OGDH: variants seen among roughly 807,000 people sequenced by gnomAD.
OGDH encodes the protein 2-oxoglutarate dehydrogenase complex component E1.
Under a neutral mutation model 116.6 loss-of-function variants are expected in OGDH, and 38 were observed. That is an observed-to-expected ratio of 0.33 (90% CI 0.25 to 0.43). OGDH has a LOEUF of 0.43. Among genes scored for constraint, OGDH ranks in the 20% least tolerant of loss-of-function variants. The pLI is 1.00. For synonymous variants in OGDH, 488 were observed against 533.3 expected, an observed-to-expected ratio of 0.92 and a Z score of 1.17; for missense variants, 825 against 1,357.2, an observed-to-expected ratio of 0.61 and a Z score of 6.16.
chr7:44,641,243 G>A (rs1207199664), intron 2 of OGDH, among the ~76,000 whole-genome samples: 1 of 37,514 alleles, frequency 2.7e-5, no homozygotes, highest in African/African-American at 9.0e-5. Flanking sequence ...TTTTTTTTTT[G>A]GAAACAGGGT....
intron 10 of OGDH, among the ~76,000 whole-genome samples, chr7:44,689,080 G>A (rs1585372097): frequency 6.6e-6 from 1 of 151,974 alleles, no homozygotes; most frequent in South Asian, 2.1e-4. Flanking sequence ...TTCCTTTTCG[G>A]GTATATACGT....
At chr7:44,608,882 A>T (rs1333558388) in intron 1 of OGDH, among the ~76,000 whole-genome samples, 2 of 152,238 alleles carry the variant, frequency 1.3e-5, no homozygotes, top group Non-Finnish European at 2.9e-5. Context: ...AATAAATAGT[A>T]CAGAGAGATC....
intron 4 of OGDH, among the ~76,000 whole-genome samples, chr7:44,654,454 C>A (rs80013941): frequency 1.3e-5 from 2 of 152,106 alleles, no homozygotes; most frequent in African/African-American, 4.8e-5. Context: ...CAGGGCTCTC[C>A]GGTTTGTTCC....
chr7:44,674,836 C>A, intron 7 of OGDH: 1 of 537,632 alleles, frequency 1.9e-6, no homozygotes, highest in Non-Finnish European at 3.3e-6. Context: ...CCCAAGTTCC[C>A]TTGTTGGGGT....
chr7:44,628,110 C>T (rs1443854626), intron 2 of OGDH, among the ~76,000 whole-genome samples: 1 of 152,208 alleles, frequency 6.6e-6, no homozygotes, highest in Non-Finnish European at 1.5e-5. Context: ...CTATTCCCTA[C>T]CCCAGTGACT....
intron 18 of OGDH, 133 bp downstream of exon 18, chr7:44,698,396 A>C: frequency 4.2e-5 from 37 of 870,986 alleles, no homozygotes; most frequent in Non-Finnish European, 6.2e-5. Flanking sequence ...TGGGGAGCTC[A>C]CGTGAGTGGA....
rs192525976 is a variant in OGDH at position 44,668,457 on chromosome 7, G to A, written c.633+1606G>A. Among the ~76,000 whole-genome samples the A allele has an allele frequency of 8.6e-5, 13 of 151,944 alleles. No homozygotes were observed. The East Asian group carries it at 2.3e-3, about 27-fold the overall frequency. On this transcript the variant is annotated intron_variant, in intron 5 of 22. Coordinates refer to ENST00000222673, the MANE Select transcript of OGDH (RefSeq NM_002541.4). The stretch of plus-strand genomic sequence containing the variant: ...TCTCAAAAACAAACAAAAAAAAACT[G>A]AGTGTCCAGTGCTGGCATTTTCTGT...
chr7:44,607,998 G>A lies in OGDH; in HGVS notation c.-28+1345G>A, dbSNP rs552673602. ...TTACAGGCGTGAGCCACTGCGCCCG[G>A]CCCCTCATTATTTTTTTTAAGCGCA... On this transcript the variant is annotated intron_variant, in intron 1 of 22. Coordinates refer to ENST00000222673, the MANE Select transcript of OGDH (RefSeq NM_002541.4). Among the ~76,000 whole-genome samples the A allele has an allele frequency of 2.6e-5, 4 of 152,082 alleles. No homozygotes were observed. In the East Asian group the frequency reaches 7.7e-4, roughly 29 times the overall value.
intron 4 of OGDH, among the ~76,000 whole-genome samples, chr7:44,648,308 G>A (rs1295704112): frequency 2.0e-5 from 3 of 152,216 alleles, no homozygotes; most frequent in African/African-American, 7.2e-5. Context: ...CACAGCGTCA[G>A]GAGGTCAGGG....
intron 4 of OGDH, among the ~76,000 whole-genome samples, chr7:44,653,429 T>A (rs1347640602): frequency 6.6e-6 from 1 of 151,974 alleles, no homozygotes; most frequent in African/African-American, 2.4e-5. Context: ...CGAATTAGTT[T>A]CCCACTTAAA....
chr7:44,696,248 C>A, intron 13 of OGDH, 121 bp downstream of exon 13: 1 of 1,025,422 alleles, frequency 9.8e-7, no homozygotes, highest in South Asian at 1.5e-5. Flanking sequence ...TTGTATGCAC[C>A]ATTTCAGCAA....
In OGDH at chr7:44,708,123, CT is replaced by C; in HGVS notation, c.*125del. On this transcript the variant is annotated 3_prime_UTR_variant, in exon 23 of 23. Transcript: ENST00000222673. ...CGCCCTCCTCGCTGTGCCACCACCCCTCCCTCTGCTCTCATAGGAGTTAGGC... is the reference window on the plus strand; with the variant it reads ...CGCCCTCCTCGCTGTGCCACCACCCCCCCTCTGCTCTCATAGGAGTTAGGC... 1 of 1,310,126 alleles carries C rather than the reference CT, an allele frequency of 7.6e-7. No individual in the cohort carries two copies. Among genetic ancestry groups the C allele is most frequent in the South Asian group, 1.4e-5 (1 of 71,740 alleles). 81.2% of individuals were successfully genotyped at this position (1,310,126 alleles called of 1,614,324 possible).
chr7:44,654,915 GC>G (rs1465670654), intron 4 of OGDH, among the ~76,000 whole-genome samples: 2 of 152,184 alleles, frequency 1.3e-5, no homozygotes, highest in Non-Finnish European at 2.9e-5. Context: ...ATGCTTCAAA[GC>G]ACTCAGGTGT....
chr7:44,675,271 G>A lies in OGDH; in HGVS notation c.1026+3G>A, dbSNP rs763367345. ...CAAAGCTGGAGGCAGCTGATGAGGTGAGGCACCTGCATAGAGACACATCCA... is the reference window on the plus strand; with the variant it reads ...CAAAGCTGGAGGCAGCTGATGAGGTAAGGCACCTGCATAGAGACACATCCA... On this transcript the variant is annotated splice_donor_region_variant and intron_variant, in intron 8 of 22. Transcript: ENST00000222673. 7.4e-6 allele frequency: 12 copies of A among 1,612,760 alleles called. No individual in the cohort carries two copies. In the South Asian group the frequency reaches 1.1e-4, roughly 15 times the overall value.
intron 20 of OGDH, among the ~76,000 whole-genome samples, chr7:44,703,003 T>C (rs980980461): frequency 6.6e-6 from 1 of 152,218 alleles, no homozygotes; most frequent in African/African-American, 2.4e-5. Context: ...TTGACTACTC[T>C]ATGGAACTCA....
chr7:44,613,498 T>C (rs1206654341), intron 1 of OGDH, among the ~76,000 whole-genome samples: 3 of 152,054 alleles, frequency 2.0e-5, no homozygotes, highest in Non-Finnish European at 4.4e-5. Flanking sequence ...TAGCTGGGAC[T>C]ATAGGCGCCC....
At chr7:44,665,151 G>T (rs1188559077) in intron 4 of OGDH, among the ~76,000 whole-genome samples, 2 of 152,134 alleles carry the variant, frequency 1.3e-5, no homozygotes, top group African/African-American at 4.8e-5. Flanking sequence ...CCAAAAGCCA[G>T]GCCATAAATG....
At chr7:44,640,049 A>G (rs563555878) in intron 2 of OGDH, among the ~76,000 whole-genome samples, 1 of 152,242 alleles carries the variant, frequency 6.6e-6, no homozygotes, top group Non-Finnish European at 1.5e-5. Context: ...CCCTGTCTCC[A>G]GGGCCTAGGC....
chr7:44,687,198 A>T (rs979386552), intron 10 of OGDH, among the ~76,000 whole-genome samples: 2 of 147,798 alleles, frequency 1.4e-5, no homozygotes, highest in Non-Finnish European at 3.0e-5. Context: ...CCGAGGTTCA[A>T]GCGATTCTCC....
Sources: allele counts gnomAD v4.1 joint callset (sites outside exome capture counted in the v4.1 genomes callset), GRCh38; gene constraint gnomAD v4.1.1; transcripts MANE v1.5; gene names NCBI Gene and HGNC (gene_info 2026-07-23, HGNC 2026-07-21).